The following SCHIP1 variants were observed in gnomAD, a reference collection of about 807,000 sequenced individuals.
SCHIP1 encodes the protein schwannomin-interacting protein 1.
In SCHIP1, 8 loss-of-function variants were observed where a neutral mutation model predicts 29.7. The observed-to-expected ratio is 0.27, with a 90% confidence interval of 0.16 to 0.49. The LOEUF (loss-of-function observed/expected upper bound fraction) is 0.49. Ranked by LOEUF, SCHIP1 falls within the 20% of genes least tolerant of loss-of-function variation. SCHIP1 has a pLI of 0.99. For missense variants in SCHIP1, 193 were observed against 294.6 expected (o/e 0.66, Z 2.52); for synonymous variants, 76 against 94.9 (o/e 0.80, Z 1.16).
the SCHIP1 span, among the ~76,000 whole-genome samples, chr3:159,724,971 C>G: frequency 6.6e-6 from 1 of 152,140 alleles, no homozygotes; most frequent in African/African-American, 2.4e-5. Flanking sequence ...TAATAATTAC[C>G]TGTCTAAAGT....
the SCHIP1 span, among the ~76,000 whole-genome samples, chr3:159,798,625 G>T: frequency 6.6e-6 from 1 of 152,040 alleles, no homozygotes; most frequent in Admixed American, 6.6e-5. Context: ...GGGCGTGGTG[G>T]TGCACACCTG....
At chr3:159,638,285 T>C in the SCHIP1 span, among the ~76,000 whole-genome samples, 2 of 152,212 alleles carry the variant, frequency 1.3e-5, no homozygotes, top group East Asian at 3.9e-4. Flanking sequence ...AAGATTTTCA[T>C]TTCATGCTTG....
At chr3:159,696,539 A>G in the SCHIP1 span, among the ~76,000 whole-genome samples, 5 of 152,170 alleles carry the variant, frequency 3.3e-5, no homozygotes, top group South Asian at 4.1e-4. Flanking sequence ...CATAAATAAC[A>G]TATTTATTTA....
At chr3:159,563,189 G>C in the SCHIP1 span, among the ~76,000 whole-genome samples, 1 of 152,166 alleles carries the variant, frequency 6.6e-6, no homozygotes, top group Non-Finnish European at 1.5e-5. Context: ...AAAGCTTGAA[G>C]ATCAGACCCC....
chr3:159,821,020 T>C, the SCHIP1 span, among the ~76,000 whole-genome samples: 2 of 152,152 alleles, frequency 1.3e-5, no homozygotes, highest in Non-Finnish European at 2.9e-5. Context: ...TTTTATTCAG[T>C]TTAAATAGCC....
At chr3:159,601,424 G>A in the SCHIP1 span, among the ~76,000 whole-genome samples, 3 of 152,306 alleles carry the variant, frequency 2.0e-5, no homozygotes, top group East Asian at 5.8e-4. Context: ...TCAGCACAGA[G>A]ACCATACTGC....
At chr3:159,601,560 A>C in the SCHIP1 span, among the ~76,000 whole-genome samples, 2 of 152,124 alleles carry the variant, frequency 1.3e-5, no homozygotes, top group East Asian at 3.9e-4. Flanking sequence ...TCTATATGAG[A>C]GCTTAAGCAC....
the SCHIP1 span, among the ~76,000 whole-genome samples, chr3:159,650,679 A>G: frequency 6.6e-6 from 1 of 152,202 alleles, no homozygotes; most frequent in Admixed American, 6.6e-5. Context: ...ATAACAGCAA[A>G]AAAGTGGAAC....
the SCHIP1 span, among the ~76,000 whole-genome samples, chr3:159,722,703 C>T: frequency 1.3e-5 from 2 of 152,178 alleles, no homozygotes; most frequent in African/African-American, 2.4e-5. Flanking sequence ...CATATTGTCT[C>T]GTTAAATTGT....
the SCHIP1 span, among the ~76,000 whole-genome samples, chr3:159,653,103 G>T: frequency 1.3e-5 from 2 of 152,188 alleles, no homozygotes; most frequent in African/African-American, 4.8e-5. Context: ...TGCTGGCAAG[G>T]CTGTGGAGAA....
the SCHIP1 span, chr3:159,274,602 A>G: frequency 3.6e-6 from 3 of 831,538 alleles, no homozygotes; most frequent in African/African-American, 3.7e-5. Context: ...CATCTTTTAG[A>G]CTATCAAATT....
chr3:159,642,971 G>A, the SCHIP1 span, among the ~76,000 whole-genome samples: 55 of 152,168 alleles, frequency 3.6e-4, no homozygotes, highest in African/African-American at 1.2e-3. Context: ...GCTTTAGTGG[G>A]AGGAGGGAGG....
chr3:159,586,859 C>T, the SCHIP1 span, among the ~76,000 whole-genome samples: 4 of 152,126 alleles, frequency 2.6e-5, no homozygotes, highest in African/African-American at 9.7e-5. Flanking sequence ...TCAAAATAAA[C>T]AAAGCGGCCC....
At chr3:159,445,252 G>T in the SCHIP1 span, among the ~76,000 whole-genome samples, 3 of 152,020 alleles carry the variant, frequency 2.0e-5, no homozygotes, top group Admixed American at 6.6e-5. Flanking sequence ...AAGACATTTA[G>T]GCAGCCAAAA....
At chr3:159,514,965 C>CT in the SCHIP1 span, among the ~76,000 whole-genome samples, 2 of 151,814 alleles carry the variant, frequency 1.3e-5, no homozygotes, top group Non-Finnish European at 2.9e-5. Flanking sequence ...CCCTAGACTC[C>CT]TTTTTTCCCT....
the SCHIP1 span, among the ~76,000 whole-genome samples, chr3:159,774,479 T>C: frequency 6.6e-6 from 1 of 152,202 alleles, no homozygotes; most frequent in Non-Finnish European, 1.5e-5. Flanking sequence ...TCTTTATCTG[T>C]TCTCATTTAT....
At chr3:159,893,408 C>T (rs1035294206) in intron 6 of SCHIP1, 6 of 152,124 alleles carry the variant, frequency 3.9e-5, no homozygotes, top group Admixed American at 2.0e-4. Flanking sequence ...ACTACACCAC[C>T]AGCAATTATA....
the SCHIP1 span, among the ~76,000 whole-genome samples, chr3:159,416,736 G>A: frequency 6.6e-6 from 1 of 152,288 alleles, no homozygotes; most frequent in Non-Finnish European, 1.5e-5. Flanking sequence ...AATGGAAGTA[G>A]GAAGCCATTA....
the SCHIP1 span, among the ~76,000 whole-genome samples, chr3:159,525,009 A>G: frequency 6.6e-6 from 1 of 151,200 alleles, no homozygotes. Context: ...AAACCTTCCC[A>G]CCTCCAGGCC....
Sources: gnomAD v4.1 joint callset for allele counts (sites outside exome capture counted in the v4.1 genomes callset) on GRCh38, gnomAD v4.1.1 for gene constraint, MANE v1.5 for transcripts, NCBI Gene and HGNC (gene_info 2026-07-23, HGNC 2026-07-21) for gene names.